CEMIP: variants seen among roughly 807,000 people sequenced by gnomAD.
CEMIP encodes cell migration inducing hyaluronidase 1, also known as cell migration-inducing and hyaluronan-binding protein.
A neutral mutation model predicts 156.9 loss-of-function variants in CEMIP; 105 were observed. The ratio of observed to expected loss-of-function variants is 0.67; its 90% CI spans 0.57 to 0.79. The LOEUF is 0.79. Among genes scored for constraint, CEMIP ranks in the 30% least tolerant of loss-of-function variants. CEMIP has a pLI of 0.00. For missense variants in CEMIP, 1,457 were observed against 1,769.4 expected (o/e 0.82, Z 3.17); for synonymous variants, 676 against 668.4 (o/e 1.01, Z -0.17).
At chr15:80,792,125 A>G (rs1896097184) in intron 1 of CEMIP, among the ~76,000 whole-genome samples, 2 of 152,208 alleles carry the variant, frequency 1.3e-5, no homozygotes, top group Admixed American at 1.3e-4. Context: ...TATGCCCACC[A>G]AGTAGCCAGA....
intron 1 of CEMIP, among the ~76,000 whole-genome samples, chr15:80,823,066 T>TAACAACAAC (rs369505880): frequency 1.6e-3 from 248 of 152,122 alleles, no homozygotes; most frequent in African/African-American, 5.8e-3. Flanking sequence ...AAAATAACAA[T>TAACAACAAC]AACAACAACA....
rs116039035 is a variant in CEMIP at position 80,936,844 on chromosome 15, G to A, written c.3180G>A (p.Thr1060=). The part of the protein sequence containing the change: ...QKGYTIHWDQ[T]APAELAIWLI... ...GCTACACCATCCACTGGGACCAGACGGCCCCCGCCGAACTCGCCATCTGGC... is the reference window on the plus strand; with the variant it reads ...GCTACACCATCCACTGGGACCAGACAGCCCCCGCCGAACTCGCCATCTGGC... Residue 1060 remains threonine, a synonymous_variant, in exon 24 of 30, where the codon ACG becomes ACA. Coordinates refer to ENST00000394685, the MANE Select transcript of CEMIP (RefSeq NM_001293298.2). 1.3e-3 allele frequency: 2,141 copies of A among 1,614,072 alleles called. 30 individuals are homozygous for A. In the African/African-American group the frequency reaches 0.025, roughly 19 times the overall value.
chr15:80,910,358 C>T (rs938646709), intron 14 of CEMIP, among the ~76,000 whole-genome samples: 2 of 152,210 alleles, frequency 1.3e-5, no homozygotes, highest in African/African-American at 2.4e-5. Flanking sequence ...GTTACAATTA[C>T]TGTAAAACCC....
chr15:80,931,971 C>T lies in CEMIP; in HGVS notation c.2725C>T (p.Arg909Cys), dbSNP rs770487133. Residue 909 changes from arginine to cysteine, a missense_variant, in exon 22 of 30, where the codon CGC becomes TGC. By Grantham distance (180) the Arg-to-Cys change is radical (BLOSUM62 -3). This residue lies in a region of CEMIP where 798 missense variants were observed against 980.1 expected (regional missense o/e 0.81). Transcript: ENST00000394685. ...EGRHTSALAF[R>C]LNNAWQSCPH... ...CCGGCACACCAGCGCCCTGGCCTTC[C>T]GCCTGAATAATGCCTGGCAGAGCTG... 6.8e-6 allele frequency: 11 copies of T among 1,614,096 alleles called. No individual in the cohort carries two copies. The highest frequency in any genetic ancestry group is 2.2e-5 in the East Asian group (1 of 44,890).
intron 8 of CEMIP, among the ~76,000 whole-genome samples, 188 bp from the exon 9 acceptor site, chr15:80,888,513 A>G (rs1385237183): frequency 2.0e-5 from 3 of 152,212 alleles, no homozygotes; most frequent in Non-Finnish European, 2.9e-5. Flanking sequence ...CAAAACTGAA[A>G]CAAAAGAATG....
intron 1 of CEMIP, among the ~76,000 whole-genome samples, chr15:80,864,396 C>T (rs143985983): frequency 1.3e-5 from 2 of 152,284 alleles, no homozygotes; most frequent in Admixed American, 6.5e-5. Context: ...CCAATTTATT[C>T]GTGAAAAAGG....
intron 15 of CEMIP, among the ~76,000 whole-genome samples, chr15:80,920,599 G>A (rs1421615072): frequency 6.6e-6 from 1 of 152,176 alleles, no homozygotes; most frequent in Non-Finnish European, 1.5e-5. Flanking sequence ...GAGAGGAAGT[G>A]GCTGACACCT....
At chr15:80,854,286 T>A (rs1037365041) in intron 1 of CEMIP, among the ~76,000 whole-genome samples, 1 of 152,242 alleles carries the variant, frequency 6.6e-6, no homozygotes, top group Non-Finnish European at 1.5e-5. Flanking sequence ...GCTCTGCAAA[T>A]GTAGCCAGAG....
chr15:80,823,785 A>G (rs1414038163), intron 1 of CEMIP, among the ~76,000 whole-genome samples: 1 of 152,242 alleles, frequency 6.6e-6, no homozygotes, highest in Non-Finnish European at 1.5e-5. Flanking sequence ...AGGCACTTCC[A>G]GAAGGTGAAA....
chr15:80,818,209 G>T (rs537165102), intron 1 of CEMIP, among the ~76,000 whole-genome samples: 1 of 152,342 alleles, frequency 6.6e-6, no homozygotes, highest in South Asian at 2.1e-4. Context: ...TCACAGTCAT[G>T]CAAGACCCCT....
At chr15:80,897,382 T>C (rs1210015076) in intron 12 of CEMIP, 1 of 455,774 alleles carries the variant, frequency 2.2e-6, no homozygotes, top group Non-Finnish European at 4.4e-6. Context: ...ACTGATGGAA[T>C]TCAGTCCCCT....
chr15:80,790,219 C>G (rs543176858), intron 1 of CEMIP, among the ~76,000 whole-genome samples: 1 of 152,304 alleles, frequency 6.6e-6, no homozygotes, highest in African/African-American at 2.4e-5. Flanking sequence ...ATAGTAGGTG[C>G]TCAAATATTT....
intron 12 of CEMIP, among the ~76,000 whole-genome samples, chr15:80,900,078 C>T (rs897960578): frequency 1.3e-5 from 2 of 152,190 alleles, no homozygotes; most frequent in African/African-American, 4.8e-5. Flanking sequence ...TGAGACCAGT[C>T]CCCATCTGCA....
chr15:80,807,501 A>C (rs1220112004), intron 1 of CEMIP, among the ~76,000 whole-genome samples: 1 of 152,222 alleles, frequency 6.6e-6, no homozygotes, highest in East Asian at 1.9e-4. Flanking sequence ...TTGGGATTAC[A>C]GACATGAGCC....
At chr15:80,781,977 G>C (rs1000687628) in intron 1 of CEMIP, among the ~76,000 whole-genome samples, 1 of 151,952 alleles carries the variant, frequency 6.6e-6, no homozygotes. Flanking sequence ...TTTTGCATCC[G>C]AGAACTTGTT....
chr15:80,922,166 GC>G (rs754742659), intron 17 of CEMIP, 29 bp downstream of exon 17: 1 of 1,613,502 alleles, frequency 6.2e-7, no homozygotes, highest in East Asian at 2.2e-5. Context: ...CGCCTCTCTG[GC>G]CAGCCTCTCG....
At chr15:80,781,324 A>G (rs1375040866) in intron 1 of CEMIP, among the ~76,000 whole-genome samples, 1 of 152,248 alleles carries the variant, frequency 6.6e-6, no homozygotes, top group Non-Finnish European at 1.5e-5. Context: ...CATTTGCAAA[A>G]GCAACTATGC....
chr15:80,942,902 C>T (rs773153145), intron 27 of CEMIP, 43 bp from the exon 28 acceptor site: 2 of 1,613,110 alleles, frequency 1.2e-6, no homozygotes, highest in Non-Finnish European at 1.7e-6. Context: ...AACCATGGGG[C>T]CTTGGCACCC....
At chr15:80,827,033 T>C (rs1468350894) in intron 1 of CEMIP, among the ~76,000 whole-genome samples, 3 of 152,206 alleles carry the variant, frequency 2.0e-5, no homozygotes, top group African/African-American at 7.2e-5. Flanking sequence ...GTTTACTCTT[T>C]CTAAGGTCAT....
Sources: gnomAD v4.1 joint callset for allele counts (sites outside exome capture counted in the v4.1 genomes callset) on GRCh38, gnomAD v4.1.1 for gene constraint, gnomAD v4.1.1 regional missense constraint, MANE v1.5 for transcripts, NCBI Gene and HGNC (gene_info 2026-07-23, HGNC 2026-07-21) for gene names.